Variants in FMN1 observed in about 807,000 individuals in gnomAD.
FMN1 encodes formin-1.
FMN1 carries 110 observed loss-of-function variants against 132.4 expected under a neutral mutation model. The ratio of observed to expected loss-of-function variants is 0.83; its 90% CI spans 0.71 to 0.97. FMN1 has a LOEUF of 0.97. Among genes scored for constraint, FMN1 ranks in the 50% least tolerant of loss-of-function variants. FMN1 has a pLI of 0.00. For missense variants in FMN1, 1,792 were observed against 1,705.3 expected (o/e 1.05, Z -0.90); for synonymous variants, 722 against 651.7 (o/e 1.11, Z -1.64).
intron 17 of FMN1, among the ~76,000 whole-genome samples, chr15:32,812,880 G>C (rs923882430): frequency 6.6e-6 from 1 of 152,172 alleles, no homozygotes; most frequent in Admixed American, 6.5e-5. Flanking sequence ...TCTGGTGACT[G>C]TAATAATAAT....
intron 17 of FMN1, among the ~76,000 whole-genome samples, chr15:32,836,705 T>A (rs954362711): frequency 3.9e-5 from 6 of 152,200 alleles, no homozygotes; most frequent in African/African-American, 4.8e-5. Flanking sequence ...TCTTTTTTTT[T>A]AGAATGCAAA....
At chr15:33,099,852 G>A (rs189967227) in intron 4 of FMN1, among the ~76,000 whole-genome samples, 3 of 152,278 alleles carry the variant, frequency 2.0e-5, no homozygotes, top group East Asian at 1.9e-4. Context: ...CAAGCTTTGA[G>A]GTAGCATAAA....
At chr15:33,022,240 G>T (rs1217551215) in intron 6 of FMN1, among the ~76,000 whole-genome samples, 1 of 152,166 alleles carries the variant, frequency 6.6e-6, no homozygotes, top group African/African-American at 2.4e-5. Context: ...TCTGAGGCTA[G>T]TTGGATTTGC....
chr15:33,192,896 T>G (rs1036800990), intron 2 of FMN1, among the ~76,000 whole-genome samples: 2 of 152,192 alleles, frequency 1.3e-5, no homozygotes, highest in African/African-American at 2.4e-5. Flanking sequence ...ACAGGTAGTA[T>G]TATCCCTATT....
intron 9 of FMN1, among the ~76,000 whole-genome samples, chr15:32,935,166 C>A (rs929279745): frequency 6.6e-6 from 1 of 152,204 alleles, no homozygotes; most frequent in African/African-American, 2.4e-5. Flanking sequence ...TGTGAGTCAC[C>A]TGCCTTACCC....
intron 5 of FMN1, among the ~76,000 whole-genome samples, chr15:33,080,539 C>A (rs369354312): frequency 6.6e-6 from 1 of 152,064 alleles, no homozygotes; most frequent in African/African-American, 2.4e-5. Context: ...GATCACCTGA[C>A]GTCAGGAGTT....
intron 4 of FMN1, among the ~76,000 whole-genome samples, chr15:33,117,863 G>C (rs1452590178): frequency 6.6e-6 from 1 of 152,152 alleles, no homozygotes; most frequent in African/African-American, 2.4e-5. Flanking sequence ...TAAGAATAAA[G>C]TTCAGATTGA....
chr15:33,106,585 T>C (rs538768405), intron 4 of FMN1, among the ~76,000 whole-genome samples: 1 of 152,226 alleles, frequency 6.6e-6, no homozygotes, highest in South Asian at 2.1e-4. Context: ...TCCATCCAAG[T>C]TCTCCTGAGT....
intron 19 of FMN1, among the ~76,000 whole-genome samples, chr15:32,789,723 T>A (rs1270959360): frequency 5.9e-5 from 9 of 152,136 alleles, no homozygotes; most frequent in African/African-American, 2.2e-4. Context: ...CCCAGAGCAA[T>A]TTCCAATCCT....
At chr15:32,909,948 TTAAG>T (rs1177016447) in intron 11 of FMN1, among the ~76,000 whole-genome samples, 12 of 152,074 alleles carry the variant, frequency 7.9e-5, no homozygotes, top group Admixed American at 4.6e-4. Flanking sequence ...ATTAAGAAGT[TTAAG>T]TAACTAGCCC....
intron 4 of FMN1, among the ~76,000 whole-genome samples, chr15:33,125,697 G>A (rs1962992422): frequency 9.9e-6 from 1 of 101,156 alleles, no homozygotes; most frequent in Non-Finnish European, 1.8e-5. Context: ...AAATTAGTCA[G>A]GTGTCTCAAA....
intron 5 of FMN1, among the ~76,000 whole-genome samples, chr15:33,083,872 G>A (rs1220452013): frequency 2.6e-5 from 4 of 152,088 alleles, no homozygotes; most frequent in Non-Finnish European, 5.9e-5. Context: ...AACCAAGATG[G>A]CTACAAAAGT....
intron 17 of FMN1, among the ~76,000 whole-genome samples, chr15:32,852,035 A>T (rs1018648776): frequency 1.3e-5 from 2 of 151,646 alleles, no homozygotes; most frequent in Admixed American, 6.6e-5. Context: ...GTGCTCAGAT[A>T]CTCTGATACT....
At chr15:33,038,432 T>A (rs2036281991) in intron 6 of FMN1, among the ~76,000 whole-genome samples, 1 of 152,194 alleles carries the variant, frequency 6.6e-6, no homozygotes, top group Non-Finnish European at 1.5e-5. Flanking sequence ...TCCATGGAAT[T>A]CATTGAAAAG....
At chr15:33,006,524 A>C (rs2034425952) in intron 7 of FMN1, among the ~76,000 whole-genome samples, 1 of 152,202 alleles carries the variant, frequency 6.6e-6, no homozygotes, top group Non-Finnish European at 1.5e-5. Context: ...TGACCTAGAA[A>C]TCCCACTACT....
intron 16 of FMN1, among the ~76,000 whole-genome samples, chr15:32,869,030 T>C (rs530622591): frequency 2.0e-5 from 3 of 152,268 alleles, no homozygotes; most frequent in African/African-American, 7.2e-5. Flanking sequence ...AGAAAACTTA[T>C]GAGTTGAACT....
chr15:32,914,060 C>G (rs2060625080), intron 10 of FMN1, among the ~76,000 whole-genome samples: 1 of 152,180 alleles, frequency 6.6e-6, no homozygotes, highest in Admixed American at 6.5e-5. Context: ...GCCCCCAACT[C>G]ACACACTCGG....
At chr15:32,781,240 G>T (rs2056653910) in intron 19 of FMN1, among the ~76,000 whole-genome samples, 1 of 152,072 alleles carries the variant, frequency 6.6e-6, no homozygotes, top group Non-Finnish European at 1.5e-5. Flanking sequence ...TAAAAAATAT[G>T]CTTTTTCTTC....
At chr15:32,843,033 A>G (rs750741473) in intron 17 of FMN1, among the ~76,000 whole-genome samples, 1 of 152,044 alleles carries the variant, frequency 6.6e-6, no homozygotes, top group Non-Finnish European at 1.5e-5. Flanking sequence ...AGGCTGAGCC[A>G]GGAGAATCGC....
Sources: gnomAD v4.1 joint callset for allele counts (sites outside exome capture counted in the v4.1 genomes callset) on GRCh38, gnomAD v4.1.1 for gene constraint, MANE v1.5 for transcripts, NCBI Gene and HGNC (gene_info 2026-07-23, HGNC 2026-07-21) for gene names.